The following GPR108 variants were observed in gnomAD, a reference collection of about 807,000 sequenced individuals.
GPR108 encodes the protein G protein-coupled receptor 108.
GPR108 carries 60 observed loss-of-function variants against 74.3 expected under a neutral mutation model. The observed-to-expected ratio is 0.81, with a 90% CI of 0.66 to 1.00. The LOEUF is 1.00. Ranked by LOEUF, GPR108 falls within the 50% of genes least tolerant of loss-of-function variation. The probability of loss-of-function intolerance (pLI) is 0.00; values close to 1 mark genes in which losing one functional copy is unlikely to be tolerated. For missense variants in GPR108, 667 were observed against 703.3 expected (o/e 0.95, Z 0.58); for synonymous variants, 311 against 292.4 (o/e 1.06, Z -0.65).
At chr19:6,732,192 C>T (rs1291199764) in intron 12 of GPR108, 37 bp from the exon 13 acceptor site, 2 of 1,612,606 alleles carry the variant, frequency 1.2e-6, no homozygotes, top group East Asian at 2.2e-5. Flanking sequence ...CACTGCCTGG[C>T]ACGCTCCCCT....
In GPR108 at chr19:6,732,974, C is replaced by G. The variant is rs748536168; in HGVS notation, c.933+13G>C. The G allele has an allele frequency of 1.0e-5, 16 of 1,577,366 alleles. No homozygotes were observed. The Admixed American group carries it at 1.3e-4, about 13-fold the overall frequency. On this transcript the variant is annotated intron_variant, in intron 10 of 17. Coordinates refer to ENST00000264080, the MANE Select transcript of GPR108 (RefSeq NM_001080452.2). ...AGCCCACCCCCCGCTGCTCCCCGGT[C>G]CAAGGCTCTCACGCTGTGGAAGAGG...
At chr19:6,730,921 C>G in intron 17 of GPR108, 66 bp downstream of exon 17, 1 of 1,478,148 alleles carries the variant, frequency 6.8e-7, no homozygotes, top group Non-Finnish European at 9.3e-7. Flanking sequence ...CCACCCTGCC[C>G]GTAGAGCTGC....
chr19:6,732,409 G>A (rs1204779962), intron 11 of GPR108, 29 bp from the exon 12 acceptor site: 1 of 1,611,434 alleles, frequency 6.2e-7, no homozygotes, highest in Admixed American at 1.7e-5. Flanking sequence ...GCGTGATGAT[G>A]AGGTGGGGGG....
In GPR108 at chr19:6,734,248, G is replaced by A. The variant is rs200386026; in HGVS notation, c.434C>T (p.Pro145Leu). Residue 145 changes from proline to leucine, a missense_variant, in exon 5 of 18, where the codon CCG (proline) becomes CTG (leucine). Physicochemically the swap from Pro to Leu is moderately conservative, Grantham distance 98. Transcript: ENST00000264080. ...KTLFIFPGLL[P>L]EAPSKPGLPK... ...GAGCCCTGGTTTGGAGGGTGCTTCC[G>A]GGAGGAGCCCGGGAAAGATAAACAA... 4.3e-5 allele frequency: 69 copies of A among 1,614,154 alleles called. No individual in the cohort carries two copies. In the East Asian group the frequency reaches 1.1e-3, roughly 26 times the overall value.
In GPR108 at chr19:6,731,064, GT is replaced by G. The variant is rs1568235593; in HGVS notation, c.1481del (p.Tyr494SerfsTer27). ...STLAFFVLTG[Y>X]KFQPTGNNPY... ...GGTTGTTTCCTGTGGGCTGGAACTTGTAGCCCGTGAGCACGAAGAAGGCCAG... is the reference window on the plus strand; with the variant it reads ...GGTTGTTTCCTGTGGGCTGGAACTTGAGCCCGTGAGCACGAAGAAGGCCAG... On this transcript the variant is annotated frameshift_variant, in exon 17 of 18. Transcript: ENST00000264080. LOFTEE classifies it high-confidence loss of function. The G allele has an allele frequency of 3.1e-6, 5 of 1,613,674 alleles. No homozygotes were observed. Among genetic ancestry groups the G allele is most frequent in the Non-Finnish European group, 4.2e-6 (5 of 1,179,886 alleles).
At chr19:6,737,195 G>A in intron 1 of GPR108, 1 of 504,962 alleles carries the variant, frequency 2.0e-6, no homozygotes, top group Non-Finnish European at 3.5e-6. Flanking sequence ...CCAGTTGGGG[G>A]GAAGGGGGGT....
intron 10 of GPR108, 187 bp from the exon 11 acceptor site, chr19:6,732,736 T>TG (rs2145475541): frequency 3.0e-6 from 2 of 664,996 alleles, no homozygotes. Flanking sequence ...CAGTCACAGC[T>TG]GAAGGGGTGA....
chr19:6,737,156 G>A (rs951790502), intron 1 of GPR108: 11 of 424,258 alleles, frequency 2.6e-5, no homozygotes, highest in African/African-American at 6.2e-5. Context: ...CGCCCCAAAA[G>A]TGATTCCAAG....
intron 4 of GPR108, 21 bp from the exon 5 acceptor site, chr19:6,734,328 G>T (rs375910620): frequency 1.9e-6 from 3 of 1,609,556 alleles, no homozygotes; most frequent in African/African-American, 2.7e-5. Context: ...GGTGGGGTGG[G>T]GCATGAGGCT....
chr19:6,733,724 G>A (rs1395029635), intron 7 of GPR108, 50 bp from the exon 8 acceptor site: 1 of 1,590,480 alleles, frequency 6.3e-7, no homozygotes, highest in East Asian at 2.2e-5. Flanking sequence ...CCCGTGGTCT[G>A]GGGCGACAAT....
chr19:6,730,351 G>C lies in GPR108; in HGVS notation c.1593C>G (p.Ser531=). Residue 531 remains serine (S), a synonymous_variant, in exon 18 of 18, where the codon TCC becomes TCG. Transcript: ENST00000264080. Reference sequence around the variant, plus strand: ...GCCCGCTGGCTGTTTTGTTGACTTTGGAGAGGCCTTCCCGGAACCCAGAGT... The same window carrying C: ...GCCCGCTGGCTGTTTTGTTGACTTTCGAGAGGCCTTCCCGGAACCCAGAGT... ...MTDSGFREGL[S]KVNKTASGRE... The C allele has an allele frequency of 6.2e-7, 1 of 1,613,672 alleles. No homozygotes were observed. The highest frequency in any genetic ancestry group is 8.5e-7 in the Non-Finnish European group (1 of 1,179,892).
In GPR108 at chr19:6,730,183, C is replaced by A; in HGVS notation, c.*129G>T. On this transcript the variant is annotated 3_prime_UTR_variant, in exon 18 of 18. Coordinates refer to ENST00000264080, the MANE Select transcript of GPR108 (RefSeq NM_001080452.2). Reference sequence around the variant, plus strand: ...CTTCCAAATGGGCTTGTCCGGGAACCGGGGTCCCGGGGAGCTGGGCGCCTG... The same window carrying A: ...CTTCCAAATGGGCTTGTCCGGGAACAGGGGTCCCGGGGAGCTGGGCGCCTG... 2.4e-6 allele frequency: 2 copies of A among 844,786 alleles called. No individual in the cohort carries two copies. The highest frequency in any genetic ancestry group is 3.9e-6 in the Non-Finnish European group (2 of 507,212). The allele number at this position is 844,786 out of a possible 1,614,324, so 52.3% of individuals were successfully genotyped here. A position where few individuals can be genotyped will look rare whatever the true frequency, so the allele number is the denominator to read the frequency against.
rs781591521 is a variant in GPR108 at position 6,731,127 on chromosome 19, G to A, written c.1435-16C>T. The A allele has an allele frequency of 3.1e-6, 5 of 1,612,408 alleles. No homozygotes were observed. Among genetic ancestry groups the A allele is most frequent in the Non-Finnish European group, 4.2e-6 (5 of 1,179,506 alleles). ...CCACCAAGAGCTGGGGGACGGGGCG[G>A]AGTGGGGGCGTCAGGCGCACCCCCA... On this transcript the variant is annotated splice_polypyrimidine_tract_variant and intron_variant, in intron 16 of 17. Transcript: ENST00000264080.
intron 1 of GPR108, 68 bp downstream of exon 1, chr19:6,737,389 C>G: frequency 6.5e-7 from 1 of 1,536,202 alleles, no homozygotes; most frequent in Non-Finnish European, 8.7e-7. Context: ...GAGACCACTC[C>G]AAGCCAGGGG....
In GPR108 at chr19:6,733,893, CT is replaced by C; in HGVS notation, c.569del (p.Lys190ArgfsTer7). On this transcript the variant is annotated frameshift_variant, in exon 7 of 18. Coordinates refer to ENST00000264080, the MANE Select transcript of GPR108 (RefSeq NM_001080452.2). LOFTEE classifies it high-confidence loss of function. ...AVIQGPSGKD[K>X]DLVLGLSHLN... ...GGTGGCTCAGGCCCAACACCAGGTC[CT>C]TGTCCTTCCCACTAGGACCCTGAAG... is the stretch of plus-strand genomic sequence containing the variant. 6.2e-7 allele frequency: 1 copy of C among 1,614,192 alleles called. No homozygotes were observed. The highest frequency in any genetic ancestry group is 8.5e-7 in the Non-Finnish European group (1 of 1,180,008).
intron 2 of GPR108, 45 bp from the exon 3 acceptor site, chr19:6,736,003 G>C: frequency 1.9e-6 from 3 of 1,542,818 alleles, no homozygotes; most frequent in Non-Finnish European, 2.7e-6. Context: ...GGACAGTAGA[G>C]ACCTCCCAGC....
chr19:6,731,327 G>C lies in GPR108; in HGVS notation c.1351-45C>G, dbSNP rs757474383. ...CGTGGGGCCAGGACTGTAGGGGCAC[G>C]GGCAGGCATGGGGCTAGACTGCAGG... On this transcript the variant is annotated intron_variant, in intron 15 of 17. Transcript: ENST00000264080. The C allele has an allele frequency of 7.9e-6, 12 of 1,517,324 alleles. No homozygotes were observed. In the Admixed American group the frequency reaches 2.5e-4, roughly 32 times the overall value. 94.0% of individuals were successfully genotyped at this position (1,517,324 alleles called of 1,614,324 possible).
At chr19:6,732,213 T>C in intron 12 of GPR108, 50 bp downstream of exon 12, 1 of 1,612,270 alleles carries the variant, frequency 6.2e-7, no homozygotes, top group Non-Finnish European at 8.5e-7. Context: ...TTGCCCCCAC[T>C]GCCCTGTGCA....
chr19:6,732,429 C>T (rs376762579), intron 11 of GPR108, 47 bp downstream of exon 11: 9 of 1,610,780 alleles, frequency 5.6e-6, no homozygotes, highest in Non-Finnish European at 7.6e-6. Context: ...GCCAACCCTC[C>T]CCTGCCTGCC....
Sources: allele counts gnomAD v4.1 joint callset, GRCh38; gene constraint gnomAD v4.1.1; transcripts MANE v1.5; gene names NCBI Gene and HGNC (gene_info 2026-07-23, HGNC 2026-07-21).